The following TC2N variants were observed in gnomAD, a reference collection of about 807,000 sequenced individuals.
TC2N encodes the protein tandem C2 domains nuclear protein.
A neutral mutation model predicts 61.9 loss-of-function variants in TC2N; 51 were observed. The ratio of observed to expected loss-of-function variants is 0.82; its 90% CI spans 0.66 to 1.04. The LOEUF (loss-of-function observed/expected upper bound fraction) is 1.04, where lower values mean the gene tolerates loss of function less well. Among genes scored for constraint, TC2N ranks in the 50% least tolerant of loss-of-function variants. The pLI is 0.00. For synonymous variants in TC2N, 204 were observed against 192.6 expected (o/e 1.06, Z -0.49); for missense variants, 556 against 566.7 (o/e 0.98, Z 0.19).
At chr14:91,788,137 G>A (rs1253376966) in intron 9 of TC2N, among the ~76,000 whole-genome samples, 2 of 152,070 alleles carry the variant, frequency 1.3e-5, no homozygotes, top group African/African-American at 4.8e-5. Context: ...TATGCTGAAT[G>A]GAAGCAAGCT....
intron 2 of TC2N, among the ~76,000 whole-genome samples, chr14:91,813,066 T>C (rs1480534765): frequency 2.6e-5 from 4 of 151,796 alleles, no homozygotes; most frequent in Non-Finnish European, 5.9e-5. Context: ...TACTATTCTG[T>C]AGAAATTTAT....
intron 1 of TC2N, among the ~76,000 whole-genome samples, chr14:91,859,042 C>T (rs1022660187): frequency 1.3e-5 from 2 of 152,112 alleles, no homozygotes; most frequent in African/African-American, 4.8e-5. Flanking sequence ...GTATCTGGAG[C>T]CACCTCGGGA....
At chr14:91,861,252 TA>T (rs1888582780) in intron 1 of TC2N, among the ~76,000 whole-genome samples, 1 of 152,206 alleles carries the variant, frequency 6.6e-6, no homozygotes, top group African/African-American at 2.4e-5. Flanking sequence ...CATGTTCACA[TA>T]AGTTGATACA....
intron 1 of TC2N, among the ~76,000 whole-genome samples, chr14:91,828,777 T>C (rs1226334491): frequency 6.6e-6 from 1 of 152,070 alleles, no homozygotes; most frequent in Non-Finnish European, 1.5e-5. Flanking sequence ...TATAGTTCAA[T>C]CTATAACTTA....
intron 1 of TC2N, among the ~76,000 whole-genome samples, chr14:91,862,106 G>A (rs959355285): frequency 2.0e-5 from 3 of 151,868 alleles, no homozygotes; most frequent in Admixed American, 6.6e-5. Context: ...GGGAGGCTGA[G>A]GCGGGCAGAT....
chr14:91,861,733 G>A (rs1888592126), intron 1 of TC2N, among the ~76,000 whole-genome samples: 1 of 152,122 alleles, frequency 6.6e-6, no homozygotes, highest in Admixed American at 6.5e-5. Context: ...GACCAGACTG[G>A]CCAACATGGT....
intron 6 of TC2N, among the ~76,000 whole-genome samples, chr14:91,798,782 G>T (rs1257175700): frequency 6.6e-6 from 1 of 151,900 alleles, no homozygotes; most frequent in East Asian, 1.9e-4. Context: ...AGCCACACTT[G>T]TACCTGAACA....
chr14:91,864,985 G>A (rs936651219), intron 1 of TC2N, among the ~76,000 whole-genome samples: 5 of 151,784 alleles, frequency 3.3e-5, no homozygotes, highest in Admixed American at 2.0e-4. Flanking sequence ...TCACCATGTC[G>A]ACCAGGCTGG....
chr14:91,817,252 C>G (rs1431710177), intron 1 of TC2N, among the ~76,000 whole-genome samples: 1 of 151,788 alleles, frequency 6.6e-6, no homozygotes. Flanking sequence ...GTATAATTTG[C>G]TTGGCTATCA....
chr14:91,831,746 A>G (rs1378122399), intron 1 of TC2N, among the ~76,000 whole-genome samples: 1 of 152,208 alleles, frequency 6.6e-6, no homozygotes, highest in Non-Finnish European at 1.5e-5. Flanking sequence ...TATGAAAGGC[A>G]ACTTTTTAAA....
rs548142563 is a variant in TC2N at position 91,841,286 on chromosome 14, T to C, written c.-57+25976A>G. On this transcript the variant is annotated intron_variant, in intron 1 of 11. Coordinates refer to ENST00000435962, the MANE Select transcript of TC2N (RefSeq NM_001128596.3). ...TAAACCCCTATTTCTGTGACCTCTGTATGGACTGGAAGAAATGACTCAAAC... is the reference window on the plus strand; with the variant it reads ...TAAACCCCTATTTCTGTGACCTCTGCATGGACTGGAAGAAATGACTCAAAC... Among the ~76,000 whole-genome samples the C allele has an allele frequency of 2.6e-5, 4 of 152,320 alleles. No individual in the cohort carries two copies. In the South Asian group the frequency reaches 8.3e-4, roughly 32 times the overall value.
chr14:91,830,255 C>T (rs2139893349), intron 1 of TC2N, among the ~76,000 whole-genome samples: 1 of 152,288 alleles, frequency 6.6e-6, no homozygotes, highest in African/African-American at 2.4e-5. Flanking sequence ...CAGATGTTCA[C>T]AGCAGCAGTA....
chr14:91,798,287 A>G lies in TC2N; in HGVS notation c.738+12T>C, dbSNP rs1166519916. On this transcript the variant is annotated intron_variant, in intron 7 of 11. Coordinates refer to ENST00000435962, the MANE Select transcript of TC2N (RefSeq NM_001128596.3). ...TTTGTAATAAAAGCTGGTATTAACT[A>G]TACTAATTTACCTGTAAAACTGTGA... is the stretch of plus-strand genomic sequence containing the variant. 2.2e-6 allele frequency: 3 copies of G among 1,353,108 alleles called. No individual in the cohort carries two copies. The highest frequency in any genetic ancestry group is 2.4e-5 in the East Asian group (1 of 42,060). The allele number at this position is 1,353,108 out of a possible 1,614,324, so 83.8% of individuals were successfully genotyped here. A position where few individuals can be genotyped will look rare whatever the true frequency, so the allele number is the denominator to read the frequency against.
chr14:91,797,410 T>C (rs978508036), intron 8 of TC2N, among the ~76,000 whole-genome samples: 1 of 152,018 alleles, frequency 6.6e-6, no homozygotes, highest in Non-Finnish European at 1.5e-5. Flanking sequence ...AGTCTTTCTG[T>C]TATACTAATT....
At chr14:91,817,369 C>T (rs188927430) in intron 1 of TC2N, among the ~76,000 whole-genome samples, 3 of 151,960 alleles carry the variant, frequency 2.0e-5, no homozygotes, top group Non-Finnish European at 2.9e-5. Context: ...TAAAATACTC[C>T]GTAACCACCC....
At chr14:91,801,181 C>G (rs1182514243) in intron 4 of TC2N, among the ~76,000 whole-genome samples, 1 of 151,654 alleles carries the variant, frequency 6.6e-6, no homozygotes, top group Non-Finnish European at 1.5e-5. Context: ...ACTACAAAAG[C>G]TCTATAATCA....
intron 1 of TC2N, among the ~76,000 whole-genome samples, chr14:91,861,345 T>C (rs1888584517): frequency 6.6e-6 from 1 of 151,734 alleles, no homozygotes; most frequent in African/African-American, 2.4e-5. Flanking sequence ...TCAGGAAGAG[T>C]TGTTCTAGAG....
At chr14:91,800,599 T>A (rs1218882891) in intron 4 of TC2N, among the ~76,000 whole-genome samples, 1 of 152,096 alleles carries the variant, frequency 6.6e-6, no homozygotes, top group South Asian at 2.1e-4. Context: ...CATTTTCACA[T>A]CCACATCAAT....
intron 10 of TC2N, among the ~76,000 whole-genome samples, chr14:91,786,629 G>T (rs1246600952): frequency 6.6e-6 from 1 of 152,074 alleles, no homozygotes; most frequent in Non-Finnish European, 1.5e-5. Context: ...ATTTTACATA[G>T]ATACCCAAAT....
Sources: allele counts gnomAD v4.1 joint callset (sites outside exome capture counted in the v4.1 genomes callset), GRCh38; gene constraint gnomAD v4.1.1; transcripts MANE v1.5; gene names NCBI Gene and HGNC (gene_info 2026-07-23, HGNC 2026-07-21).